The following FABP4 variants were observed in gnomAD, a reference collection of about 807,000 sequenced individuals.
FABP4 encodes fatty acid binding protein 4.
Under a neutral mutation model 14.6 loss-of-function variants are expected in FABP4, and 17 were observed. The ratio of observed to expected loss-of-function variants is 1.16; its 90% CI spans 0.80 to 1.74. The LOEUF is 1.74. Among genes scored for constraint, FABP4 ranks in the 40% most tolerant of loss-of-function variants. The pLI, the probability that FABP4 is intolerant of heterozygous loss-of-function variation, is 0.00. For missense variants in FABP4, 149 were observed against 160.3 expected (o/e 0.93, Z 0.38); for synonymous variants, 54 against 54.6 (o/e 0.99, Z 0.05).
At chr8:81,480,293 T>G in intron 2 of FABP4, 133 bp downstream of exon 2, 1 of 803,640 alleles carries the variant, frequency 1.2e-6, no homozygotes, top group Non-Finnish European at 1.9e-6. Context: ...GGAAACACAG[T>G]TTAGATGTAG....
chr8:81,480,389 C>A, intron 2 of FABP4, 37 bp downstream of exon 2: 1 of 1,573,328 alleles, frequency 6.4e-7, no homozygotes, highest in Non-Finnish European at 8.6e-7. Flanking sequence ...GATTTAGAAA[C>A]CAGGCATGTA....
intron 1 of FABP4, among the ~76,000 whole-genome samples, chr8:81,481,631 T>C (rs771982142): frequency 6.6e-6 from 1 of 152,190 alleles, no homozygotes; most frequent in African/African-American, 2.4e-5. Context: ...CTGGGAGAGA[T>C]ATATGGCGCA....
intron 3 of FABP4, 22 bp from the exon 4 acceptor site, chr8:81,478,937 T>G (rs764073207): frequency 1.2e-6 from 2 of 1,602,992 alleles, no homozygotes; most frequent in South Asian, 1.1e-5. Flanking sequence ...AAACAATTCT[T>G]GGTCAATCAC....
Position 81,483,081 on chromosome 8 carries a change from A to G in FABP4, c.73+14T>C. The stretch of plus-strand genomic sequence containing the variant: ...ATATTATAAATCCAGTCATTCCACA[A>G]CGCATTTCCTTACCTACTTCTTTCA... On this transcript the variant is annotated intron_variant, in intron 1 of 3. Coordinates refer to ENST00000256104, the MANE Select transcript of FABP4 (RefSeq NM_001442.3). 1 of 1,594,232 alleles carries G rather than the reference A, an allele frequency of 6.3e-7. No individual in the cohort carries two copies. The highest frequency in any genetic ancestry group is 8.6e-7 in the Non-Finnish European group (1 of 1,165,816).
chr8:81,479,569 T>G lies in FABP4; in HGVS notation c.247-54A>C. ...TGTGCAGAGGGAGGCAGAAAAAAAT[T>G]TAAAATAGAGTGCCTTTGTTCAAAG... On this transcript the variant is annotated intron_variant, in intron 2 of 3. Coordinates refer to ENST00000256104, the MANE Select transcript of FABP4 (RefSeq NM_001442.3). 3 of 1,320,496 alleles carry G rather than the reference T, an allele frequency of 2.3e-6. No homozygotes were observed. The South Asian group carries it at 3.7e-5, about 16-fold the overall frequency. 81.8% of individuals were successfully genotyped at this position (1,320,496 alleles called of 1,614,324 possible). A position where few individuals can be genotyped will look rare whatever the true frequency, so the allele number is the denominator to read the frequency against.
Position 81,479,497 on chromosome 8 carries a change from C to T in FABP4, c.265G>A (p.Gly89Arg). ...RKVKSTITLD[G>R]GVLVHVQKWD... ...TTCTGCACATGTACCAGGACACCCC[C>T]ATCTAAGGTTATGGTGCTCTGTAGG... is the stretch of plus-strand genomic sequence containing the variant. Residue 89 changes from glycine to arginine, a missense_variant, in exon 3 of 4, where the codon GGG becomes AGG. By Grantham distance (125) the Gly-to-Arg change is moderately radical. Coordinates refer to ENST00000256104, the MANE Select transcript of FABP4 (RefSeq NM_001442.3). 2 of 1,613,148 alleles carry T rather than the reference C, an allele frequency of 1.2e-6. No individual in the cohort carries two copies. The highest frequency in any genetic ancestry group is 1.7e-6 in the Non-Finnish European group (2 of 1,179,336).
At chr8:81,482,779 G>A (rs1180446098) in intron 1 of FABP4, among the ~76,000 whole-genome samples, 1 of 152,054 alleles carries the variant, frequency 6.6e-6, no homozygotes, top group East Asian at 1.9e-4. Flanking sequence ...AGAGAAACAG[G>A]CAAAGAGCTA....
Position 81,479,499 on chromosome 8 carries a change from T to C in FABP4, c.263A>G (p.Asp88Gly). ...CTGCACATGTACCAGGACACCCCCA[T>C]CTAAGGTTATGGTGCTCTGTAGGCA... is the stretch of plus-strand genomic sequence containing the variant. The part of the protein sequence containing the change: ...DRKVKSTITL[D>G]GGVLVHVQKW... The change falls in exon 3 of 4, where the codon GAT becomes GGT. Residue 88 changes from aspartate (D) to glycine (G), a missense_variant. Transcript: ENST00000256104. The C allele has an allele frequency of 6.2e-7, 1 of 1,613,056 alleles. No homozygotes were observed. Among genetic ancestry groups the C allele is most frequent in the Non-Finnish European group, 8.5e-7 (1 of 1,179,246 alleles).
intron 3 of FABP4, 151 bp downstream of exon 3, chr8:81,479,263 A>G (rs1468294373): frequency 2.9e-6 from 2 of 678,322 alleles, no homozygotes; most frequent in Non-Finnish European, 5.0e-6. Context: ...CAAAAGCATG[A>G]AGGGCAAATG....
At position 81,479,503 on chromosome 8, in the gene FABP4, A is replaced by G. The variant is rs748086233; in HGVS notation, c.259T>C (p.Leu87=). Residue 87 remains leucine, a synonymous_variant, in exon 3 of 4, where the codon TTA becomes CTA. Coordinates refer to ENST00000256104, the MANE Select transcript of FABP4 (RefSeq NM_001442.3). The part of the protein sequence containing the change: ...DDRKVKSTIT[L]DGGVLVHVQK... The stretch of plus-strand genomic sequence containing the variant: ...ACATGTACCAGGACACCCCCATCTA[A>G]GGTTATGGTGCTCTGTAGGCATAAG... 21 of 1,612,848 alleles carry G rather than the reference A, an allele frequency of 1.3e-5. No individual in the cohort carries two copies. Among genetic ancestry groups the G allele is most frequent in the Non-Finnish European group, 1.7e-5 (20 of 1,179,192 alleles).
In FABP4 at chr8:81,478,643, G is replaced by T; in HGVS notation, c.*222C>A. On this transcript the variant is annotated 3_prime_UTR_variant, in exon 4 of 4. Transcript: ENST00000256104. Reference sequence around the variant, plus strand: ...TTTCCCATTTCCTTCACTCAGTTATGACTAAGAATACATCATAAGCACAAT... The same window carrying T: ...TTTCCCATTTCCTTCACTCAGTTATTACTAAGAATACATCATAAGCACAAT... 1 of 418,530 alleles carries T rather than the reference G, an allele frequency of 2.4e-6. No homozygotes were observed. Among genetic ancestry groups the T allele is most frequent in the Non-Finnish European group, 4.3e-6 (1 of 233,396 alleles). 25.9% of individuals were successfully genotyped at this position (418,530 alleles called of 1,614,324 possible).
intron 1 of FABP4, 138 bp from the exon 2 acceptor site, chr8:81,480,736 A>ACAG: frequency 1.6e-6 from 1 of 619,770 alleles, no homozygotes; most frequent in Non-Finnish European, 2.5e-6. Context: ...CCTAATTTAA[A>ACAG]CAGCTCCTGC....
chr8:81,478,661 A>T lies in FABP4; in HGVS notation c.*204T>A, dbSNP rs1176343288. ...CAGTTATGACTAAGAATACATCATA[A>T]GCACAATGAATACATCATTACATCA... On this transcript the variant is annotated 3_prime_UTR_variant, in exon 4 of 4. Coordinates refer to ENST00000256104, the MANE Select transcript of FABP4 (RefSeq NM_001442.3). 2 of 457,748 alleles carry T rather than the reference A, an allele frequency of 4.4e-6. No homozygotes were observed. Among genetic ancestry groups the T allele is most frequent in the Non-Finnish European group, 7.8e-6 (2 of 255,866 alleles). 28.4% of individuals were successfully genotyped at this position (457,748 alleles called of 1,614,324 possible). A position where few individuals can be genotyped will look rare whatever the true frequency, so the allele number is the denominator to read the frequency against.
chr8:81,482,389 T>A (rs1585812489), intron 1 of FABP4, among the ~76,000 whole-genome samples: 1 of 152,266 alleles, frequency 6.6e-6, no homozygotes, highest in East Asian at 1.9e-4. Context: ...TGAGAGACAT[T>A]CATCCAATGA....
chr8:81,479,557 G>A, intron 2 of FABP4, 42 bp from the exon 3 acceptor site: 1 of 1,490,548 alleles, frequency 6.7e-7, no homozygotes. Flanking sequence ...GCAGAGGGAG[G>A]CAGAAAAAAA....
intron 1 of FABP4, 89 bp from the exon 2 acceptor site, chr8:81,480,687 A>G (rs528205058): frequency 6.8e-6 from 8 of 1,169,918 alleles, no homozygotes; most frequent in Middle Eastern, 2.4e-4. Context: ...ACACAGGTGC[A>G]TGTGCAGGAG....
At chr8:81,480,338 G>T in intron 2 of FABP4, 88 bp downstream of exon 2, 1 of 1,295,386 alleles carries the variant, frequency 7.7e-7, no homozygotes, top group Non-Finnish European at 1.1e-6. Context: ...ATAAAATGGT[G>T]TTCCTCCTTT....
Position 81,479,357 on chromosome 8 carries a change from T to A in FABP4, c.348+57A>T, listed in dbSNP as rs112279623. ...AAATCTGTTTCCTTAAGTGGAATAG[T>A]GATCATGAGATAACCTAGCAGTAAG... On this transcript the variant is annotated intron_variant, in intron 3 of 3. Transcript: ENST00000256104. 3.9e-5 allele frequency: 52 copies of A among 1,321,164 alleles called. No homozygotes were observed. In the African/African-American group the frequency reaches 6.8e-4, roughly 17 times the overall value. The allele number at this position is 1,321,164 out of a possible 1,614,324, so 81.8% of individuals were successfully genotyped here. A position where few individuals can be genotyped will look rare whatever the true frequency, so the allele number is the denominator to read the frequency against.
intron 1 of FABP4, among the ~76,000 whole-genome samples, chr8:81,481,361 TA>T (rs59459577): frequency 0.017 from 2,641 of 152,300 alleles, 79 homozygotes; most frequent in African/African-American, 0.061. Context: ...TTTCTTAGTT[TA>T]AAATAGGTTA....
Sources: gnomAD v4.1 joint callset for allele counts (sites outside exome capture counted in the v4.1 genomes callset) on GRCh38, gnomAD v4.1.1 for gene constraint, MANE v1.5 for transcripts, NCBI Gene and HGNC (gene_info 2026-07-23, HGNC 2026-07-21) for gene names.